ADAMTS20: variants seen among roughly 807,000 people sequenced by gnomAD.
ADAMTS20 encodes the protein A disintegrin and metalloproteinase with thrombospondin motifs 20.
In ADAMTS20, 225 loss-of-function variants were observed where a neutral mutation model predicts 260.1. That is an observed-to-expected ratio of 0.87 (90% CI 0.78 to 0.97). The LOEUF is 0.97. ADAMTS20 is among the 50% of genes least tolerant of loss of function. ADAMTS20 has a pLI of 0.00. For missense variants in ADAMTS20, 2,400 were observed against 2,337.7 expected (o/e 1.03, Z -0.55); for synonymous variants, 802 against 769.5 (o/e 1.04, Z -0.70).
At chr12:43,527,009 T>C (rs1332177009) in intron 3 of ADAMTS20, among the ~76,000 whole-genome samples, 1 of 152,088 alleles carries the variant, frequency 6.6e-6, no homozygotes, top group Non-Finnish European at 1.5e-5. Context: ...ACTAAGGACA[T>C]TACAACTGAT....
intron 18 of ADAMTS20, among the ~76,000 whole-genome samples, chr12:43,438,423 A>G (rs932391539): frequency 6.6e-6 from 1 of 152,168 alleles, no homozygotes; most frequent in Non-Finnish European, 1.5e-5. Context: ...TCCTTCTTCT[A>G]TGTTAACCAA....
At chr12:43,404,341 C>A (rs1464169221) in intron 28 of ADAMTS20, among the ~76,000 whole-genome samples, 11 of 152,240 alleles carry the variant, frequency 7.2e-5, no homozygotes, top group African/African-American at 2.6e-4. Context: ...CATCAACTTA[C>A]TGACCAATGT....
chr12:43,537,996 T>C (rs1943320598), intron 2 of ADAMTS20, among the ~76,000 whole-genome samples: 1 of 152,232 alleles, frequency 6.6e-6, no homozygotes, highest in African/African-American at 2.4e-5. Context: ...CAGATATCTC[T>C]TCAATATCCT....
intron 28 of ADAMTS20, among the ~76,000 whole-genome samples, chr12:43,403,795 C>A (rs1472932537): frequency 6.6e-6 from 1 of 152,094 alleles, no homozygotes; most frequent in East Asian, 1.9e-4. Flanking sequence ...TCCCATAAAG[C>A]AAATGGAATA....
intron 28 of ADAMTS20, chr12:43,423,596 C>G: frequency 1.6e-6 from 1 of 616,958 alleles, no homozygotes; most frequent in Non-Finnish European, 2.9e-6. Flanking sequence ...AAGAACTAGG[C>G]TTGCAAACTA....
chr12:43,548,792 A>C (rs1943474092), intron 2 of ADAMTS20, among the ~76,000 whole-genome samples: 2 of 152,180 alleles, frequency 1.3e-5, no homozygotes, highest in Admixed American at 6.5e-5. Context: ...CAATGATTGA[A>C]GTATGCAACT....
chr12:43,382,025 T>G (rs576159361), intron 31 of ADAMTS20, among the ~76,000 whole-genome samples: 4 of 152,204 alleles, frequency 2.6e-5, no homozygotes, highest in African/African-American at 9.6e-5. Context: ...TAGGAACCTT[T>G]ATACATTGCT....
intron 6 of ADAMTS20, 93 bp from the exon 7 acceptor site, chr12:43,490,528 T>G: frequency 3.5e-6 from 2 of 572,154 alleles, no homozygotes; most frequent in Non-Finnish European, 5.9e-6. Context: ...ATGACATGAC[T>G]ACTACCACAA....
chr12:43,384,117 A>G (rs1229100755), intron 29 of ADAMTS20, 140 bp from the exon 30 acceptor site: 9 of 825,644 alleles, frequency 1.1e-5, no homozygotes, highest in East Asian at 2.8e-5. Flanking sequence ...AATACATACA[A>G]TAAGTATTTT....
chr12:43,548,868 C>A (rs976235710), intron 2 of ADAMTS20, among the ~76,000 whole-genome samples: 1 of 151,802 alleles, frequency 6.6e-6, no homozygotes, highest in African/African-American at 2.4e-5. Flanking sequence ...TGAAAAGAAA[C>A]GTTTAAATGT....
rs553683249 is a variant in ADAMTS20, at chr12:43,407,255, CAACTT to C, written c.4285-8027_4285-8023del. ...TTAATTTGCAAATATATTTGACTCT[CAACTT>C]AAAGGAAAAAACCAAATGATTAACA... is the stretch of plus-strand genomic sequence containing the variant. On this transcript the variant is annotated intron_variant, in intron 28 of 38. Coordinates refer to ENST00000389420, the MANE Select transcript of ADAMTS20 (RefSeq NM_025003.5). 2.2e-4 allele frequency among the ~76,000 whole-genome samples: 33 copies of C among 151,848 alleles called. 1 individual carries two copies. Among genetic ancestry groups the C allele is most frequent in the South Asian group, 4.2e-4 (2 of 4,812 alleles).
At chr12:43,417,697 G>C (rs556728958) in intron 28 of ADAMTS20, among the ~76,000 whole-genome samples, 1 of 152,284 alleles carries the variant, frequency 6.6e-6, no homozygotes, top group East Asian at 1.9e-4. Flanking sequence ...TGGCAAGGGT[G>C]ATTCACTGGA....
intron 5 of ADAMTS20, among the ~76,000 whole-genome samples, chr12:43,492,878 G>A (rs1410719146): frequency 2.6e-5 from 4 of 151,898 alleles, no homozygotes; most frequent in Non-Finnish European, 5.9e-5. Context: ...TTTTAAAAAC[G>A]ACTATATTCT....
chr12:43,379,700 A>C (rs1467708389), intron 31 of ADAMTS20, among the ~76,000 whole-genome samples: 1 of 152,224 alleles, frequency 6.6e-6, no homozygotes, highest in Non-Finnish European at 1.5e-5. Context: ...ATGTATGACA[A>C]ACAATATAGA....
At chr12:43,352,956 G>C (rs1939667897), downstream of ADAMTS20, among the ~76,000 whole-genome samples, 1 of 152,080 alleles carries the variant, frequency 6.6e-6, no homozygotes, top group Non-Finnish European at 1.5e-5. Context: ...AATTGTATTA[G>C]AGCTTTATAT....
chr12:43,384,613 C>A (rs1565674728), intron 29 of ADAMTS20, among the ~76,000 whole-genome samples: 1 of 152,204 alleles, frequency 6.6e-6, no homozygotes, highest in South Asian at 2.1e-4. Flanking sequence ...TGTCCCCAAA[C>A]CCCCTCGACA....
intron 28 of ADAMTS20, among the ~76,000 whole-genome samples, chr12:43,402,201 A>G (rs1940823140): frequency 6.6e-6 from 1 of 152,050 alleles, no homozygotes; most frequent in Non-Finnish European, 1.5e-5. Flanking sequence ...GGCATGTGTA[A>G]TAACTATCAG....
intron 3 of ADAMTS20, among the ~76,000 whole-genome samples, chr12:43,531,357 T>A (rs897575668): frequency 6.6e-6 from 1 of 152,094 alleles, no homozygotes; most frequent in Non-Finnish European, 1.5e-5. Flanking sequence ...TAAATAATAC[T>A]AATGTGACTA....
intron 7 of ADAMTS20, among the ~76,000 whole-genome samples, chr12:43,487,965 G>T (rs911388912): frequency 5.3e-5 from 8 of 152,018 alleles, no homozygotes; most frequent in African/African-American, 1.9e-4. Flanking sequence ...GAAAAAGAGA[G>T]GAATTATTCA....
Sources: allele counts gnomAD v4.1 joint callset (sites outside exome capture counted in the v4.1 genomes callset), GRCh38; gene constraint gnomAD v4.1.1; transcripts MANE v1.5; gene names NCBI Gene and HGNC (gene_info 2026-07-23, HGNC 2026-07-21).